Variants in TBC1D9B observed in about 807,000 individuals in gnomAD.
The protein encoded by TBC1D9B is TBC1 domain family member 9B.
In TBC1D9B, 87 loss-of-function variants were observed where a neutral mutation model predicts 121.1. The observed-to-expected ratio is 0.72, with a 90% CI of 0.60 to 0.86. TBC1D9B has a LOEUF of 0.86. TBC1D9B is among the 40% of genes least tolerant of loss of function. TBC1D9B has a pLI of 0.00. For synonymous variants in TBC1D9B, 668 were observed against 670.1 expected (o/e 1.00, Z 0.05); for missense variants, 1,540 against 1,628.6 (o/e 0.95, Z 0.94).
In TBC1D9B at chr5:179,867,760, G is replaced by A; in HGVS notation, c.2863+18C>T. On this transcript the variant is annotated intron_variant, in intron 18 of 20. Coordinates refer to ENST00000355235, the MANE Select transcript of TBC1D9B (RefSeq NM_015043.4). ...AGAGTGCTGGCTGGGCATGTCGGGT[G>A]TTCCAGTGGCCGCTCACCTTCTGAG... 1.3e-6 allele frequency: 2 copies of A among 1,593,870 alleles called. No individual in the cohort carries two copies. The highest frequency in any genetic ancestry group is 1.7e-6 in the Non-Finnish European group (2 of 1,167,924).
intron 2 of TBC1D9B, among the ~76,000 whole-genome samples, chr5:179,901,425 C>A (rs1362016766): frequency 6.6e-6 from 1 of 152,124 alleles, no homozygotes; most frequent in Non-Finnish European, 1.5e-5. Context: ...CATAACATTC[C>A]TAGAAAACTA....
rs376566358 is a variant in TBC1D9B at position 179,864,134 on chromosome 5, A to C, written c.3022-6T>G. 1.9e-5 allele frequency: 30 copies of C among 1,588,938 alleles called. No individual in the cohort carries two copies. Among genetic ancestry groups the C allele is most frequent in the Non-Finnish European group, 2.6e-5 (30 of 1,164,108 alleles). On this transcript the variant is annotated splice_region_variant and splice_polypyrimidine_tract_variant and intron_variant, in intron 20 of 20. Coordinates refer to ENST00000355235, the MANE Select transcript of TBC1D9B (RefSeq NM_015043.4). ...CACAGCTCAATGAACTGCTCCTTTT[A>C]GGGAGAAAAACAGAAGAACAGGGAG...
rs1760470797 is a variant in TBC1D9B at position 179,879,613 on chromosome 5, G to T, written c.1416+15C>A. The stretch of plus-strand genomic sequence containing the variant: ...GCTCTTGACGGAGGCTGGAGTGCCG[G>T]CGCTCAGGGCTCACCCCCTTGGCTC... On this transcript the variant is annotated intron_variant, in intron 8 of 20. Transcript: ENST00000355235. 1 of 1,613,686 alleles carries T rather than the reference G, an allele frequency of 6.2e-7. No homozygotes were observed. The highest frequency in any genetic ancestry group is 8.5e-7 in the Non-Finnish European group (1 of 1,179,846).
At chr5:179,893,538 C>A in intron 4 of TBC1D9B, 71 bp from the exon 5 acceptor site, 1 of 1,523,880 alleles carries the variant, frequency 6.6e-7, no homozygotes, top group East Asian at 2.3e-5. Context: ...CCCATCTGTA[C>A]CCCAGACCCA....
At chr5:179,881,245 C>G (rs1188876126) in intron 7 of TBC1D9B, among the ~76,000 whole-genome samples, 1 of 152,206 alleles carries the variant, frequency 6.6e-6, no homozygotes, top group East Asian at 1.9e-4. Context: ...TTATGTATTC[C>G]TAGTCCAGTC....
chr5:179,899,175 C>T lies in TBC1D9B; in HGVS notation c.348+14G>A, dbSNP rs755966816. The T allele has an allele frequency of 5.8e-6, 9 of 1,564,638 alleles. No individual in the cohort carries two copies. In the South Asian group the frequency reaches 7.4e-5, roughly 13 times the overall value. On this transcript the variant is annotated intron_variant, in intron 3 of 20. Transcript: ENST00000355235. ...AGGGAAGGGTGAGAACAGAGAGTGG[C>T]GGGTAAACCTTACGTGTATCTTGCC...
At chr5:179,906,388 G>T (rs928255190) in intron 1 of TBC1D9B, among the ~76,000 whole-genome samples, 3 of 152,198 alleles carry the variant, frequency 2.0e-5, no homozygotes, top group Non-Finnish European at 4.4e-5. Flanking sequence ...CAGGAAGGAG[G>T]TGTACAGAGA....
rs1472340888 is a variant in TBC1D9B at position 179,891,862 on chromosome 5, C to T, written c.837-276G>A. Among the ~76,000 whole-genome samples the T allele has an allele frequency of 6.6e-6, 1 of 152,206 alleles. No homozygotes were observed. The highest frequency in any genetic ancestry group is 1.5e-5 in the Non-Finnish European group (1 of 68,032). Reference sequence around the variant, plus strand: ...GCTTTGAAAAGGACACACCTAGATGCTGGCCTGGGCAATGTGCAACCCATC... The same window carrying T: ...GCTTTGAAAAGGACACACCTAGATGTTGGCCTGGGCAATGTGCAACCCATC... On this transcript the variant is annotated intron_variant, in intron 5 of 20. Coordinates refer to ENST00000355235, the MANE Select transcript of TBC1D9B (RefSeq NM_015043.4). The surrounding 1 kb of genome is among the most constrained non-coding windows in gnomAD (Gnocchi z 4.3).
rs182093444 is a variant in TBC1D9B at position 179,863,803 on chromosome 5, C to T, written c.3347G>A (p.Gly1116Asp). The change falls in exon 21 of 21, where the codon GGC becomes GAC. Residue 1116 changes from glycine (G) to aspartate (D), a missense_variant. Coordinates refer to ENST00000355235, the MANE Select transcript of TBC1D9B (RefSeq NM_015043.4). This position sits in a 1 kb window ranked among gnomAD's most constrained non-coding sequence, Gnocchi z 4.5. The part of the protein sequence containing the change: ...ESQVVVEGGS[G>D]EGQGSPSQLL... ...CTGGGAGGGTGAGCCCTGTCCCTCGCCGCTGCCCCCCTCCACCACCACCTG... is the reference window on the plus strand; with the variant it reads ...CTGGGAGGGTGAGCCCTGTCCCTCGTCGCTGCCCCCCTCCACCACCACCTG... The T allele has an allele frequency of 1.2e-6, 2 of 1,613,698 alleles. No homozygotes were observed. Among genetic ancestry groups the T allele is most frequent in the East Asian group, 2.2e-5 (1 of 44,858 alleles).
intron 5 of TBC1D9B, among the ~76,000 whole-genome samples, chr5:179,892,434 G>A (rs1382938693): frequency 2.6e-5 from 4 of 152,246 alleles, no homozygotes; most frequent in Non-Finnish European, 5.9e-5. Flanking sequence ...CAACACAAGG[G>A]TGTGAATCTG....
Position 179,877,986 on chromosome 5 carries a change from T to A in TBC1D9B, c.1782+323A>T, listed in dbSNP as rs186632705. On this transcript the variant is annotated intron_variant, in intron 10 of 20. Coordinates refer to ENST00000355235, the MANE Select transcript of TBC1D9B (RefSeq NM_015043.4). ...GATGGCGGTGACGGGCGTGCAACAG[T>A]GTGAATGTGCTTAGAGCACTGAGCT... is the stretch of plus-strand genomic sequence containing the variant. 3.0e-3 allele frequency among the ~76,000 whole-genome samples: 458 copies of A among 152,162 alleles called. 3 individuals are homozygous for A. The highest frequency in any genetic ancestry group is 0.011 in the African/African-American group (438 of 41,478).
At chr5:179,897,904 C>A (rs1303631213) in intron 3 of TBC1D9B, among the ~76,000 whole-genome samples, 1 of 152,212 alleles carries the variant, frequency 6.6e-6, no homozygotes, top group Non-Finnish European at 1.5e-5. Flanking sequence ...TTAGGAAGTT[C>A]TGGTATCAGG....
chr5:179,863,560 A>C lies in TBC1D9B; in HGVS notation c.3590T>G (p.Val1197Gly). The change falls in exon 21 of 21, where the codon GTG (valine) becomes GGG (glycine). Residue 1197 changes from valine (V) to glycine (G), a missense_variant. By Grantham distance (109) the Val-to-Gly change is moderately radical (BLOSUM62 -3). Transcript: ENST00000355235. The surrounding 1 kb of genome is among the most constrained non-coding windows in gnomAD (Gnocchi z 4.5). ...GTCCACTCTCTTCTCAAAGAAGTTC[A>C]CCAGCACGGACTCCGTCAGGATGGA... ...LASILTESVL[V>G]NFFEKRVDIG... 6.2e-7 allele frequency: 1 copy of C among 1,614,130 alleles called. No individual in the cohort carries two copies.
intron 18 of TBC1D9B, chr5:179,867,486 AGAG>A (rs1361181245): frequency 2.6e-6 from 4 of 1,560,576 alleles, no homozygotes; most frequent in South Asian, 1.2e-5. Flanking sequence ...ATCTGAGGCC[AGAG>A]GAGATGCTGG....
chr5:179,878,668 G>A (rs1760435570), intron 9 of TBC1D9B, 145 bp from the exon 10 acceptor site: 1 of 831,124 alleles, frequency 1.2e-6, no homozygotes, highest in East Asian at 2.7e-5. Flanking sequence ...GGTTTCCCTT[G>A]TGCTCCTGGG....
At position 179,867,503 on chromosome 5, in the gene TBC1D9B, G is replaced by C. The variant is rs772982526; in HGVS notation, c.2863+275C>G. On this transcript the variant is annotated intron_variant, in intron 18 of 20. Transcript: ENST00000355235. ...CTGAGGCCAGAGGAGATGCTGGAAG[G>C]GACAGCAGAGGAGAGGCAGAGGGGC... 4 of 1,558,990 alleles carry C rather than the reference G, an allele frequency of 2.6e-6. No homozygotes were observed. In the South Asian group the frequency reaches 4.7e-5, roughly 18 times the overall value.
rs1017230175 is a variant in TBC1D9B at position 179,891,885 on chromosome 5, A to G, written c.837-299T>C. On this transcript the variant is annotated intron_variant, in intron 5 of 20. Coordinates refer to ENST00000355235, the MANE Select transcript of TBC1D9B (RefSeq NM_015043.4). This position sits in a 1 kb window ranked among gnomAD's most constrained non-coding sequence, Gnocchi z 4.3. Reference sequence around the variant, plus strand: ...TGCTGGCCTGGGCAATGTGCAACCCATCCCTCGGTACTGATGGGCAAGCAG... The same window carrying G: ...TGCTGGCCTGGGCAATGTGCAACCCGTCCCTCGGTACTGATGGGCAAGCAG... 6.6e-6 allele frequency among the ~76,000 whole-genome samples: 1 copy of G among 152,256 alleles called. No individual in the cohort carries two copies. Among genetic ancestry groups the G allele is most frequent in the Admixed American group, 6.5e-5 (1 of 15,302 alleles).
intron 1 of TBC1D9B, among the ~76,000 whole-genome samples, chr5:179,905,102 T>C (rs1471373771): frequency 6.6e-6 from 1 of 152,176 alleles, no homozygotes; most frequent in Non-Finnish European, 1.5e-5. Flanking sequence ...GCTTAAACAA[T>C]TCTGGGAAGC....
rs543390496 is a variant in TBC1D9B, at chr5:179,862,575, G to A, written c.*873C>T. The A allele has an allele frequency of 4.4e-6, 2 of 456,564 alleles. No homozygotes were observed. Among genetic ancestry groups the A allele is most frequent in the East Asian group, 1.4e-4 (2 of 14,392 alleles). The allele number at this position is 456,564 out of a possible 1,614,324, so 28.3% of individuals were successfully genotyped here. A position where few individuals can be genotyped will look rare whatever the true frequency, so the allele number is the denominator to read the frequency against. On this transcript the variant is annotated 3_prime_UTR_variant, in exon 21 of 21. Coordinates refer to ENST00000355235, the MANE Select transcript of TBC1D9B (RefSeq NM_015043.4). ...TGCCCAGCTTGCACCAGCAGGTTCT[G>A]CGTCTCCATCTGACCTGGCAGACCT...
Sources: allele counts gnomAD v4.1 joint callset (sites outside exome capture counted in the v4.1 genomes callset), GRCh38; gene constraint gnomAD v4.1.1; non-coding constraint Gnocchi (gnomAD v3.1); transcripts MANE v1.5; gene names NCBI Gene and HGNC (gene_info 2026-07-23, HGNC 2026-07-21).